The following GRIA2 variants were observed in gnomAD, a reference collection of about 807,000 sequenced individuals.
The protein encoded by GRIA2 is glutamate ionotropic receptor AMPA type subunit 2.
GRIA2 carries 14 observed loss-of-function variants against 97.3 expected under a neutral mutation model. The ratio of observed to expected loss-of-function variants is 0.14; its 90% CI spans 0.10 to 0.23. The LOEUF is 0.23. Among genes scored for constraint, GRIA2 ranks in the 10% least tolerant of loss-of-function variants. GRIA2 has a pLI of 1.00. For missense variants in GRIA2, 558 were observed against 1,069.8 expected (o/e 0.52, Z 6.67); for synonymous variants, 412 against 387.8 (o/e 1.06, Z -0.73).
Position 157,332,903 on chromosome 4 carries a change from C to A in GRIA2, c.967C>A (p.Arg323=). 1 of 1,612,362 alleles carries A rather than the reference C, an allele frequency of 6.2e-7. No individual in the cohort carries two copies. Among genetic ancestry groups the A allele is most frequent in the Non-Finnish European group, 8.5e-7 (1 of 1,178,836 alleles). Residue 323 remains arginine, a synonymous_variant, in exon 7 of 16, where the codon CGA becomes AGA. Transcript: ENST00000264426. ...NLRKQRIEIS[R]RGNAGDCLAN... The stretch of plus-strand genomic sequence containing the variant: ...AAGGAAGCAAAGAATTGAAATCTCC[C>A]GAAGGGGGAATGCAGGAGACTGTCT...
intron 2 of GRIA2, among the ~76,000 whole-genome samples, chr4:157,281,242 C>A (rs1732578850): frequency 1.3e-5 from 2 of 152,020 alleles, no homozygotes; most frequent in African/African-American, 2.4e-5. Context: ...AGAGAATGTT[C>A]ATTAATTGGT....
chr4:157,349,752 C>CT (rs34869217), intron 12 of GRIA2, among the ~76,000 whole-genome samples: 1 of 152,060 alleles, frequency 6.6e-6, no homozygotes, highest in Non-Finnish European at 1.5e-5. Context: ...ATTATTTTCA[C>CT]TTTTTAATTG....
At chr4:157,289,133 G>T (rs1732976866) in intron 2 of GRIA2, among the ~76,000 whole-genome samples, 1 of 151,732 alleles carries the variant, frequency 6.6e-6, no homozygotes, top group Non-Finnish European at 1.5e-5. Context: ...AAACTGGTTT[G>T]GTTTTAAGTG....
chr4:157,343,636 G>A (rs981318659), intron 12 of GRIA2, among the ~76,000 whole-genome samples: 2 of 152,040 alleles, frequency 1.3e-5, no homozygotes, highest in Non-Finnish European at 2.9e-5. Flanking sequence ...TAATGTTGTA[G>A]TGAGCGTCTC....
chr4:157,322,400 A>C (rs1413232014), intron 6 of GRIA2, among the ~76,000 whole-genome samples: 1 of 152,142 alleles, frequency 6.6e-6, no homozygotes, highest in East Asian at 1.9e-4. Context: ...TCAAACAAAA[A>C]ATTCTTGAAC....
At chr4:157,299,277 A>T (rs746599288) in intron 2 of GRIA2, among the ~76,000 whole-genome samples, 1 of 152,084 alleles carries the variant, frequency 6.6e-6, no homozygotes, top group Non-Finnish European at 1.5e-5. Context: ...TCAGGGGCAA[A>T]CTATGCATGG....
chr4:157,317,656 A>G lies in GRIA2; in HGVS notation c.667-2A>G. ...AAATAATTACTTATTTGTGCTTATT[A>G]GGTTATTACCATTGGAAAACATGTT... On this transcript the variant is annotated splice_acceptor_variant, in intron 4 of 15. Transcript: ENST00000264426. LOFTEE classifies it high-confidence loss of function. The G allele has an allele frequency of 9.2e-7, 1 of 1,082,070 alleles. No individual in the cohort carries two copies. Among genetic ancestry groups the G allele is most frequent in the Non-Finnish European group, 1.4e-6 (1 of 710,320 alleles). The allele number at this position is 1,082,070 out of a possible 1,614,324, so 67.0% of individuals were successfully genotyped here.
chr4:157,322,240 A>AGT (rs1427516697), intron 6 of GRIA2, among the ~76,000 whole-genome samples: 30 of 120,568 alleles, frequency 2.5e-4, no homozygotes, highest in East Asian at 1.7e-3. Flanking sequence ...AGAGAGAGAG[A>AGT]GAGTGTGTGT....
chr4:157,281,787 G>A (rs1411839414), intron 2 of GRIA2, among the ~76,000 whole-genome samples: 2 of 152,002 alleles, frequency 1.3e-5, no homozygotes, highest in African/African-American at 4.8e-5. Flanking sequence ...GTGCCAGGTG[G>A]AGATACTGAA....
chr4:157,281,008 A>C (rs1459953467), intron 2 of GRIA2, among the ~76,000 whole-genome samples: 2 of 151,964 alleles, frequency 1.3e-5, no homozygotes, highest in Non-Finnish European at 2.9e-5. Context: ...CATGGACTGC[A>C]TGCAAAGCTT....
In GRIA2 at chr4:157,342,281, C is replaced by G. The variant is rs558202538; in HGVS notation, c.2043+819C>G. On this transcript the variant is annotated intron_variant, in intron 12 of 15. Transcript: ENST00000264426. ...GCTTATTCCGGAATTAGGATTAGGA[C>G]CTTCAAATGGCCATCAAAATTTGAA... The G allele has an allele frequency of 5.5e-4, 536 of 981,764 alleles. 1 individual carries two copies. Among genetic ancestry groups the G allele is most frequent in the Non-Finnish European group, 6.1e-4 (507 of 826,746 alleles). The allele number at this position is 981,764 out of a possible 1,614,324, so 60.8% of individuals were successfully genotyped here. A position where few individuals can be genotyped will look rare whatever the true frequency, so the allele number is the denominator to read the frequency against.
chr4:157,358,570 C>A (rs1277780815), intron 12 of GRIA2, among the ~76,000 whole-genome samples: 1 of 152,096 alleles, frequency 6.6e-6, no homozygotes, highest in Non-Finnish European at 1.5e-5. Flanking sequence ...GTGCCTTTTT[C>A]AGGAGACAGC....
intron 2 of GRIA2, among the ~76,000 whole-genome samples, chr4:157,285,425 A>G (rs1732793621): frequency 6.6e-6 from 1 of 151,474 alleles, no homozygotes; most frequent in African/African-American, 2.4e-5. Flanking sequence ...TAAATTTTTT[A>G]TGGTTTCTGC....
At chr4:157,333,619 A>C (rs1735156698) in intron 8 of GRIA2, among the ~76,000 whole-genome samples, 2 of 152,048 alleles carry the variant, frequency 1.3e-5, no homozygotes, top group African/African-American at 4.8e-5. Flanking sequence ...TGAAAAGAGA[A>C]AGAATTATTG....
chr4:157,295,146 G>A (rs967798444), intron 2 of GRIA2, among the ~76,000 whole-genome samples: 5 of 152,036 alleles, frequency 3.3e-5, no homozygotes, highest in African/African-American at 1.2e-4. Context: ...TTTTAAAGCT[G>A]CATATAATAT....
chr4:157,221,263 G>T, intron 1 of GRIA2, 133 bp downstream of exon 1: 1 of 657,522 alleles, frequency 1.5e-6, no homozygotes, highest in Non-Finnish European at 2.7e-6. Flanking sequence ...AAACTACCTA[G>T]AATATACATG....
At chr4:157,315,531 G>A (rs975288497) in intron 4 of GRIA2, among the ~76,000 whole-genome samples, 1 of 66,732 alleles carries the variant, frequency 1.5e-5, no homozygotes, top group African/African-American at 5.9e-5. Flanking sequence ...TTGTTTGTTT[G>A]TTTTGTTTTG....
At chr4:157,243,492 G>A (rs1730594256) in intron 2 of GRIA2, among the ~76,000 whole-genome samples, 1 of 152,080 alleles carries the variant, frequency 6.6e-6, no homozygotes, top group Non-Finnish European at 1.5e-5. Context: ...AATTCATGGT[G>A]GCACAGCTGA....
chr4:157,280,449 A>G (rs191147574), intron 2 of GRIA2, among the ~76,000 whole-genome samples: 1 of 152,178 alleles, frequency 6.6e-6, no homozygotes, highest in Non-Finnish European at 1.5e-5. Flanking sequence ...TGTATTAATT[A>G]TATATTACTG....
Sources: allele counts gnomAD v4.1 joint callset (sites outside exome capture counted in the v4.1 genomes callset), GRCh38; gene constraint gnomAD v4.1.1; transcripts MANE v1.5; gene names NCBI Gene and HGNC (gene_info 2026-07-23, HGNC 2026-07-21).